The following MYO5B variants were observed in gnomAD, a reference collection of about 807,000 sequenced individuals.
The protein encoded by MYO5B is unconventional myosin-Vb.
Under a neutral mutation model 229.3 loss-of-function variants are expected in MYO5B, and 143 were observed. The observed-to-expected ratio is 0.62, with a 90% CI of 0.54 to 0.72. The LOEUF (loss-of-function observed/expected upper bound fraction) is 0.72, where lower values mean the gene tolerates loss of function less well. Among genes scored for constraint, MYO5B ranks in the 30% least tolerant of loss-of-function variants. The pLI, the probability that MYO5B is intolerant of heterozygous loss-of-function variation, is 0.00. For synonymous variants in MYO5B, 918 were observed against 885.2 expected (o/e 1.04, Z -0.66); for missense variants, 2,321 against 2,331.0 (o/e 1.00, Z 0.09).
intron 1 of MYO5B, among the ~76,000 whole-genome samples, chr18:50,183,315 A>ATATATATATATATATATATATATATC (rs2033100215): frequency 4.7e-5 from 2 of 42,776 alleles, no homozygotes; most frequent in South Asian, 1.1e-3. Context: ...TCATATATAT[A>ATATATATATATATATATATATATATC]TATATATATA....
chr18:49,872,119 C>G, intron 27 of MYO5B, 48 bp downstream of exon 27: 1 of 1,577,524 alleles, frequency 6.3e-7, no homozygotes, highest in Non-Finnish European at 8.7e-7. Context: ...TGTCATCTGC[C>G]CTCTGCCAGG....
intron 1 of MYO5B, among the ~76,000 whole-genome samples, chr18:50,105,777 G>T (rs940737316): frequency 6.6e-6 from 1 of 152,024 alleles, no homozygotes; most frequent in African/African-American, 2.4e-5. Context: ...ATGCCATTTG[G>T]AGTATGGAGC....
chr18:49,942,259 T>C (rs977359049), intron 14 of MYO5B, among the ~76,000 whole-genome samples: 3 of 150,894 alleles, frequency 2.0e-5, no homozygotes, highest in Admixed American at 2.0e-4. Flanking sequence ...GGCAATACCA[T>C]TCAGGACATA....
chr18:50,113,101 G>A (rs2031895730), intron 1 of MYO5B, among the ~76,000 whole-genome samples: 1 of 152,044 alleles, frequency 6.6e-6, no homozygotes, highest in South Asian at 2.1e-4. Context: ...TCAATTCCCT[G>A]CCCGTCCCCA....
chr18:50,120,427 C>T (rs1217617368), intron 1 of MYO5B, among the ~76,000 whole-genome samples: 1 of 152,194 alleles, frequency 6.6e-6, no homozygotes, highest in Non-Finnish European at 1.5e-5. Context: ...ATTCTCAGGG[C>T]AGTGTTGGTC....
chr18:50,027,257 A>AGAT lies in MYO5B; in HGVS notation c.455+9592_455+9593insATC, dbSNP rs540302588. The stretch of plus-strand genomic sequence containing the variant: ...TCAGCACCATTATTAATTCCAAAAG[A>AGAT]AATCCATGTAGGGTGACAAGTTTGA... On this transcript the variant is annotated intron_variant, in intron 4 of 39. Transcript: ENST00000285039. Among the ~76,000 whole-genome samples, 23 of 152,344 alleles carry AGAT rather than the reference A, an allele frequency of 1.5e-4. No individual in the cohort carries two copies. In the South Asian group the frequency reaches 4.6e-3, roughly 30 times the overall value.
intron 2 of MYO5B, among the ~76,000 whole-genome samples, chr18:50,045,970 G>A (rs1311832541): frequency 6.6e-6 from 1 of 152,022 alleles, no homozygotes; most frequent in African/African-American, 2.4e-5. Context: ...ACAGCAAGAT[G>A]GTATAATCAT....
intron 1 of MYO5B, among the ~76,000 whole-genome samples, chr18:50,103,728 A>T (rs1313677733): frequency 6.6e-6 from 1 of 152,086 alleles, no homozygotes; most frequent in African/African-American, 2.4e-5. Flanking sequence ...GCAACAGAGC[A>T]AGACCTTGTC....
chr18:49,953,892 ATATGTGTGTGTGTGTGTGTGTGTGTGTG>A (rs2025456176), intron 13 of MYO5B, among the ~76,000 whole-genome samples: 1 of 127,558 alleles, frequency 7.8e-6, no homozygotes, highest in Non-Finnish European at 1.6e-5. Context: ...ATATATACAT[ATATGTGTGTGTGTGTGTGTGTGTGTGTG>A]TGTGTGTGTG....
chr18:50,116,047 A>G (rs536225127), intron 1 of MYO5B, among the ~76,000 whole-genome samples: 1 of 152,296 alleles, frequency 6.6e-6, no homozygotes, highest in East Asian at 1.9e-4. Flanking sequence ...GGTGTAAGAC[A>G]CTAACCAAAA....
intron 17 of MYO5B, among the ~76,000 whole-genome samples, chr18:49,917,493 C>T (rs955123391): frequency 2.1e-5 from 2 of 94,888 alleles, no homozygotes; most frequent in African/African-American, 7.2e-5. Context: ...GGTTTGTAAA[C>T]GTTTACTCCA....
In MYO5B at chr18:49,937,366, T is replaced by A; in HGVS notation, c.1784A>T (p.Asp595Val). 6.2e-7 allele frequency: 1 copy of A among 1,614,090 alleles called. No individual in the cohort carries two copies. ...FPLVADLFHD[D>V]KDPVPATTPG... ...GGTGGTGGCAGGAACAGGGTCCTTGTCATCATGAAACAAGTCAGCCACTAG... is the reference window on the plus strand; with the variant it reads ...GGTGGTGGCAGGAACAGGGTCCTTGACATCATGAAACAAGTCAGCCACTAG... Residue 595 changes from aspartate to valine, a missense_variant, in exon 15 of 40, where the codon GAC becomes GTC. Coordinates refer to ENST00000285039, the MANE Select transcript of MYO5B (RefSeq NM_001080467.3).
chr18:50,112,544 T>G (rs2031885003), intron 1 of MYO5B, among the ~76,000 whole-genome samples: 1 of 152,182 alleles, frequency 6.6e-6, no homozygotes, highest in Admixed American at 6.5e-5. Flanking sequence ...CAGCCCTATC[T>G]GCCTTTGAGC....
At chr18:50,193,919 C>T (rs561272730) in intron 1 of MYO5B, among the ~76,000 whole-genome samples, 1 of 152,334 alleles carries the variant, frequency 6.6e-6, no homozygotes, top group South Asian at 2.1e-4. Context: ...TGCTGCGGAA[C>T]GCGGGCGTCT....
chr18:49,881,800 CAAAAAA>C (rs10611314), intron 22 of MYO5B, among the ~76,000 whole-genome samples: 107 of 140,310 alleles, frequency 7.6e-4, no homozygotes, highest in Non-Finnish European at 7.7e-4. Context: ...GACTCCGTCT[CAAAAAA>C]AAAAAAAAAA....
chr18:50,110,307 T>C (rs1599028110), intron 1 of MYO5B, among the ~76,000 whole-genome samples: 1 of 152,196 alleles, frequency 6.6e-6, no homozygotes, highest in Middle Eastern at 3.4e-3. Flanking sequence ...CCTAAATACT[T>C]TATCCTGCTT....
Position 49,902,605 on chromosome 18 carries a change from T to C in MYO5B, c.2800A>G (p.Ile934Val), listed in dbSNP as rs1249962969. 3 of 1,612,430 alleles carry C rather than the reference T, an allele frequency of 1.9e-6. No homozygotes were observed. Among genetic ancestry groups the C allele is most frequent in the Non-Finnish European group, 2.5e-6 (3 of 1,180,026 alleles). The part of the protein sequence containing the change: ...ENKVVQLQRK[I>V]DEQNKEFKTL... ...CTGCAGACACTGACCTGCTCATCGA[T>C]CTTCCGCTGCAGCTGGACCACCTTG... Residue 934 changes from isoleucine to valine, a missense_variant, in exon 21 of 40, where the codon ATC (isoleucine) becomes GTC (valine). By Grantham distance (29) the Ile-to-Val change is conservative. Around this residue, in one of 2 missense-constraint regions of MYO5B, gnomAD observed 2,113 missense variants for 2,044.7 expected, o/e 1.03. Coordinates refer to ENST00000285039, the MANE Select transcript of MYO5B (RefSeq NM_001080467.3).
At chr18:49,901,050 G>A (rs558344313) in intron 21 of MYO5B, among the ~76,000 whole-genome samples, 77 of 152,314 alleles carry the variant, frequency 5.1e-4, no homozygotes, top group African/African-American at 1.8e-3. Context: ...TCACAAAATT[G>A]TATGAAGATC....
intron 2 of MYO5B, among the ~76,000 whole-genome samples, chr18:50,048,562 A>G (rs981198984): frequency 6.6e-6 from 1 of 152,132 alleles, no homozygotes; most frequent in East Asian, 1.9e-4. Context: ...GAAGTGATCA[A>G]CATCAGTTCT....
Sources: gnomAD v4.1 joint callset for allele counts (sites outside exome capture counted in the v4.1 genomes callset) on GRCh38, gnomAD v4.1.1 for gene constraint, gnomAD v4.1.1 regional missense constraint, MANE v1.5 for transcripts, NCBI Gene and HGNC (gene_info 2026-07-23, HGNC 2026-07-21) for gene names.